The following SLC23A2 variants were observed in gnomAD, a reference collection of about 807,000 sequenced individuals.
The protein encoded by SLC23A2 is Na(+)/L-ascorbic acid transporter 2.
A neutral mutation model predicts 73.3 loss-of-function variants in SLC23A2; 36 were observed. The observed-to-expected ratio is 0.49, with a 90% CI of 0.38 to 0.65. The LOEUF is 0.65. Among genes scored for constraint, SLC23A2 ranks in the 30% least tolerant of loss-of-function variants. The pLI is 0.00. For missense variants in SLC23A2, 507 were observed against 841.6 expected, an observed-to-expected ratio of 0.60 and a Z score of 4.92; for synonymous variants, 343 against 327.3, an observed-to-expected ratio of 1.05 and a Z score of -0.52.
At chr20:4,889,350 G>A (rs1931230730) in intron 6 of SLC23A2, among the ~76,000 whole-genome samples, 1 of 152,052 alleles carries the variant, frequency 6.6e-6, no homozygotes, top group Non-Finnish European at 1.5e-5. Flanking sequence ...AAAGCACAGG[G>A]AGCTCATATG....
chr20:4,898,348 AAC>A (rs1491561544), intron 6 of SLC23A2, among the ~76,000 whole-genome samples: 1 of 152,220 alleles, frequency 6.6e-6, no homozygotes, highest in Non-Finnish European at 1.5e-5. Context: ...TGGCAACCAG[AAC>A]ACCTGCACAT....
chr20:4,939,134 C>T (rs1346847374), intron 2 of SLC23A2, among the ~76,000 whole-genome samples: 4 of 152,228 alleles, frequency 2.6e-5, no homozygotes, highest in Admixed American at 6.5e-5. Context: ...AAGATCATGT[C>T]TATCTGTCTG....
At chr20:4,903,274 TTTAGG>T (rs926330627) in intron 4 of SLC23A2, among the ~76,000 whole-genome samples, 2 of 152,120 alleles carry the variant, frequency 1.3e-5, no homozygotes, top group African/African-American at 4.8e-5. Flanking sequence ...GACCAGTCAC[TTTAGG>T]TTAGAGTCCA....
chr20:4,934,017 T>C (rs2086919580), intron 2 of SLC23A2, among the ~76,000 whole-genome samples: 1 of 152,104 alleles, frequency 6.6e-6, no homozygotes, highest in Admixed American at 6.5e-5. Flanking sequence ...TTACACAAAT[T>C]TTAGAGTTCA....
chr20:4,914,233 A>G (rs1932251289), intron 3 of SLC23A2, among the ~76,000 whole-genome samples: 1 of 151,866 alleles, frequency 6.6e-6, no homozygotes, highest in Non-Finnish European at 1.5e-5. Context: ...TAATAAAACC[A>G]AACGATCCAA....
chr20:5,004,838 A>G (rs1031791088), upstream of SLC23A2, among the ~76,000 whole-genome samples: 2 of 152,116 alleles, frequency 1.3e-5, no homozygotes, highest in African/African-American at 4.8e-5. Flanking sequence ...TGTCTCTACT[A>G]AAAATACAAA....
intron 2 of SLC23A2, among the ~76,000 whole-genome samples, chr20:4,959,973 T>A (rs1019243023): frequency 2.0e-5 from 3 of 152,008 alleles, no homozygotes; most frequent in African/African-American, 7.3e-5. Flanking sequence ...GTCATTGTTT[T>A]TGTAGAGATG....
chr20:4,873,347 G>A (rs952381971), intron 11 of SLC23A2, among the ~76,000 whole-genome samples: 7 of 152,094 alleles, frequency 4.6e-5, no homozygotes, highest in African/African-American at 1.2e-4. Context: ...TCACCTACAC[G>A]GGGCCAGCTG....
At chr20:4,925,864 G>C (rs1018172619) in intron 3 of SLC23A2, among the ~76,000 whole-genome samples, 3 of 152,120 alleles carry the variant, frequency 2.0e-5, no homozygotes, top group Non-Finnish European at 4.4e-5. Flanking sequence ...ACCTTCATCT[G>C]ACCGGCAAGG....
intron 6 of SLC23A2, among the ~76,000 whole-genome samples, chr20:4,892,691 T>C (rs1054182805): frequency 4.6e-5 from 7 of 152,132 alleles, no homozygotes; most frequent in African/African-American, 1.7e-4. Flanking sequence ...CCCCATCTTC[T>C]GGTTGACAAC....
chr20:4,952,798 G>A (rs1316747448), intron 2 of SLC23A2, among the ~76,000 whole-genome samples: 1 of 152,160 alleles, frequency 6.6e-6, no homozygotes. Flanking sequence ...GCCAAGGCAG[G>A]TGGATCACGA....
intron 2 of SLC23A2, among the ~76,000 whole-genome samples, chr20:4,957,988 TCTCAAG>T (rs1222113034): frequency 1.3e-5 from 2 of 151,538 alleles, no homozygotes; most frequent in Non-Finnish European, 2.9e-5. Context: ...TCAACCATAA[TCTCAAG>T]CCATGATTCA....
intron 2 of SLC23A2, among the ~76,000 whole-genome samples, chr20:4,951,466 G>C (rs1231352658): frequency 6.6e-6 from 1 of 152,122 alleles, no homozygotes; most frequent in Admixed American, 6.5e-5. Flanking sequence ...AAAAAGCAAA[G>C]AACAAGGCCA....
At chr20:4,909,495 T>G (rs548783464) in intron 4 of SLC23A2, among the ~76,000 whole-genome samples, 2 of 152,316 alleles carry the variant, frequency 1.3e-5, no homozygotes, top group East Asian at 3.9e-4. Flanking sequence ...ATTTTTTTTT[T>G]GGAACAACTA....
At chr20:4,988,124 C>T (rs993258953) in intron 1 of SLC23A2, among the ~76,000 whole-genome samples, 7 of 151,800 alleles carry the variant, frequency 4.6e-5, no homozygotes. Flanking sequence ...CATGGCGAAA[C>T]CCTGTCTCTA....
rs1930307747 is a variant in SLC23A2 at position 4,868,749 on chromosome 20, T to TCTGGGGTTACAGAG, written c.1251-888_1251-875dup. Among the ~76,000 whole-genome samples, 1 of 152,156 alleles carries TCTGGGGTTACAGAG rather than the reference T, an allele frequency of 6.6e-6. No individual in the cohort carries two copies. The highest frequency in any genetic ancestry group is 1.5e-5 in the Non-Finnish European group (1 of 68,022). ...ATTAATCTCATCACACACAGTCCCT[T>TCTGGGGTTACAGAG]CTGGGGTTACAGAGCTGGCTGGAGA... On this transcript the variant is annotated intron_variant, in intron 12 of 16. Transcript: ENST00000338244. This position sits in a 1 kb window ranked among gnomAD's most constrained non-coding sequence, Gnocchi z 4.4.
At chr20:4,962,761 G>A (rs900549253) in intron 2 of SLC23A2, among the ~76,000 whole-genome samples, 5 of 105,786 alleles carry the variant, frequency 4.7e-5, no homozygotes, top group South Asian at 2.8e-4. Flanking sequence ...CACTTTGGGA[G>A]GTCGAGGCAA....
At chr20:4,871,123 T>G (rs1280019670) in intron 11 of SLC23A2, among the ~76,000 whole-genome samples, 1 of 152,192 alleles carries the variant, frequency 6.6e-6, no homozygotes, top group Non-Finnish European at 1.5e-5. Flanking sequence ...GTAGCCCTTC[T>G]TCCGTTGAAG....
intron 3 of SLC23A2, among the ~76,000 whole-genome samples, chr20:4,922,149 C>A (rs559640684): frequency 6.6e-6 from 1 of 152,238 alleles, no homozygotes; most frequent in African/African-American, 2.4e-5. Context: ...GCCTACCTAG[C>A]TTAGGCAAAT....
Sources: gnomAD v4.1 joint callset for allele counts (sites outside exome capture counted in the v4.1 genomes callset) on GRCh38, gnomAD v4.1.1 for gene constraint, Gnocchi (gnomAD v3.1) non-coding constraint, MANE v1.5 for transcripts, NCBI Gene and HGNC (gene_info 2026-07-23, HGNC 2026-07-21) for gene names.